The following CSMD3 variants were observed in gnomAD, a reference collection of about 807,000 sequenced individuals.
The protein encoded by CSMD3 is CUB and sushi domain-containing protein 3.
Under a neutral mutation model 435.2 loss-of-function variants are expected in CSMD3, and 177 were observed. The ratio of observed to expected loss-of-function variants is 0.41; its 90% CI spans 0.36 to 0.46. The LOEUF is 0.46. CSMD3 is among the 20% of genes least tolerant of loss of function. The pLI, the probability that CSMD3 is intolerant of heterozygous loss-of-function variation, is 0.34. For missense variants in CSMD3, 4,265 were observed against 4,504.6 expected (o/e 0.95, Z 1.52); for synonymous variants, 1,656 against 1,520.5 (o/e 1.09, Z -2.07).
At chr8:112,339,159 C>A (rs1307884064) in intron 42 of CSMD3, among the ~76,000 whole-genome samples, 2 of 152,066 alleles carry the variant, frequency 1.3e-5, no homozygotes, top group Non-Finnish European at 2.9e-5. Context: ...TGGCTGTCTG[C>A]AACCAATCAG....
chr8:112,780,257 T>C (rs925484011), intron 13 of CSMD3, among the ~76,000 whole-genome samples: 1 of 152,082 alleles, frequency 6.6e-6, no homozygotes, highest in African/African-American at 2.4e-5. Context: ...TACAATAGTG[T>C]ATAGTTCCCC....
chr8:113,115,298 GATA>G (rs1185720021), intron 4 of CSMD3, among the ~76,000 whole-genome samples: 1 of 152,134 alleles, frequency 6.6e-6, no homozygotes, highest in African/African-American at 2.4e-5. Context: ...CTTTTTATTT[GATA>G]ATGTTTTAAA....
chr8:112,484,809 G>T (rs1465613547), intron 31 of CSMD3, among the ~76,000 whole-genome samples: 1 of 151,982 alleles, frequency 6.6e-6, no homozygotes, highest in African/African-American at 2.4e-5. Flanking sequence ...ATGCTCATTG[G>T]AGCATTTTGG....
intron 2 of CSMD3, among the ~76,000 whole-genome samples, chr8:113,286,533 G>A (rs2132503803): frequency 6.6e-6 from 1 of 151,974 alleles, no homozygotes; most frequent in East Asian, 1.9e-4. Flanking sequence ...AATGTGATGG[G>A]AATTCTTAAA....
At chr8:112,564,305 CCTCT>C (rs1828892600) in intron 24 of CSMD3, among the ~76,000 whole-genome samples, 2 of 150,684 alleles carry the variant, frequency 1.3e-5, no homozygotes, top group South Asian at 4.2e-4. Context: ...TTTCCTTCTT[CCTCT>C]CCTTCCTTCT....
intron 1 of CSMD3, among the ~76,000 whole-genome samples, chr8:113,373,892 A>G (rs1330806402): frequency 1.3e-5 from 2 of 152,102 alleles, no homozygotes; most frequent in Non-Finnish European, 2.9e-5. Flanking sequence ...TTATATCTCA[A>G]TTTCAGTAAA....
intron 18 of CSMD3, among the ~76,000 whole-genome samples, chr8:112,655,351 A>G (rs758267004): frequency 2.0e-5 from 3 of 152,120 alleles, no homozygotes; most frequent in Non-Finnish European, 4.4e-5. Flanking sequence ...AGATTAATTT[A>G]TCAAAAGTGC....
At chr8:113,399,762 C>G (rs1263469575) in intron 1 of CSMD3, among the ~76,000 whole-genome samples, 2 of 151,676 alleles carry the variant, frequency 1.3e-5, no homozygotes, top group Non-Finnish European at 2.9e-5. Flanking sequence ...TACAACCCCT[C>G]CATATACTCA....
At chr8:113,006,511 G>A (rs917088576) in intron 6 of CSMD3, among the ~76,000 whole-genome samples, 5 of 151,860 alleles carry the variant, frequency 3.3e-5, no homozygotes, top group Non-Finnish European at 7.4e-5. Flanking sequence ...TGTATTTTTT[G>A]CAGTTGGCAC....
intron 13 of CSMD3, among the ~76,000 whole-genome samples, chr8:112,739,310 C>T (rs941587367): frequency 6.6e-6 from 1 of 151,684 alleles, no homozygotes; most frequent in African/African-American, 2.4e-5. Flanking sequence ...TCCTATTCTT[C>T]CATAAGAAAT....
At chr8:112,346,849 T>C (rs1436490713) in intron 40 of CSMD3, among the ~76,000 whole-genome samples, 1 of 151,804 alleles carries the variant, frequency 6.6e-6, no homozygotes, top group African/African-American at 2.4e-5. Context: ...CGGCTAATTT[T>C]TTGTATTTTT....
intron 3 of CSMD3, among the ~76,000 whole-genome samples, chr8:113,188,288 G>A (rs543982629): frequency 1.1e-4 from 16 of 151,926 alleles, no homozygotes; most frequent in Non-Finnish European, 2.1e-4. Flanking sequence ...CTTTTAATGC[G>A]CATCTTTAAA....
chr8:112,827,164 A>AATATATAT lies in CSMD3; in HGVS notation c.1859+2514_1859+2521dup, dbSNP rs3047126. ...TTCTGTATTTTACTAGGTTACCATA[A>AATATATAT]ATATATATATATATATATATATATA... On this transcript the variant is annotated intron_variant, in intron 12 of 70. Transcript: ENST00000297405. Among the ~76,000 whole-genome samples the AATATATAT allele has an allele frequency of 9.9e-3, 820 of 82,576 alleles. 24 individuals carry two copies. The highest frequency in any genetic ancestry group is 0.012 in the Non-Finnish European group (538 of 45,124). 54.2% of individuals were successfully genotyped at this position (82,576 alleles called of 152,430 possible). A position where few individuals can be genotyped will look rare whatever the true frequency, so the allele number is the denominator to read the frequency against.
intron 28 of CSMD3, among the ~76,000 whole-genome samples, chr8:112,515,608 G>A (rs759600277): frequency 3.3e-5 from 5 of 152,110 alleles, no homozygotes; most frequent in Non-Finnish European, 5.9e-5. Context: ...CAATATGGGT[G>A]TGAATAGAAA....
At chr8:113,232,315 A>G (rs2093097840) in intron 3 of CSMD3, among the ~76,000 whole-genome samples, 1 of 151,706 alleles carries the variant, frequency 6.6e-6, no homozygotes, top group African/African-American at 2.4e-5. Flanking sequence ...TTATTTTGTA[A>G]TTTGATGAAT....
intron 24 of CSMD3, among the ~76,000 whole-genome samples, chr8:112,561,997 C>T (rs1231008305): frequency 3.3e-5 from 5 of 150,532 alleles, no homozygotes; most frequent in Non-Finnish European, 7.4e-5. Context: ...ATATTGTTTC[C>T]AATTTTTTAC....
At chr8:112,466,123 A>G (rs1817934422) in intron 32 of CSMD3, among the ~76,000 whole-genome samples, 1 of 152,172 alleles carries the variant, frequency 6.6e-6, no homozygotes, top group Non-Finnish European at 1.5e-5. Flanking sequence ...AAGAGTAATA[A>G]TTGGTTTTAA....
chr8:112,275,862 A>T (rs545041485), intron 59 of CSMD3, among the ~76,000 whole-genome samples: 1 of 152,138 alleles, frequency 6.6e-6, no homozygotes, highest in South Asian at 2.1e-4. Context: ...GCCAAACCAT[A>T]TTATTCCAAG....
intron 35 of CSMD3, among the ~76,000 whole-genome samples, chr8:112,399,784 T>TCAA (rs1417437429): frequency 6.6e-6 from 1 of 152,194 alleles, no homozygotes; most frequent in Non-Finnish European, 1.5e-5. Flanking sequence ...CCTCTATTGT[T>TCAA]CAACAACTTG....
Sources: gnomAD v4.1 joint callset for allele counts (sites outside exome capture counted in the v4.1 genomes callset) on GRCh38, gnomAD v4.1.1 for gene constraint, MANE v1.5 for transcripts, NCBI Gene and HGNC (gene_info 2026-07-23, HGNC 2026-07-21) for gene names.